Variants in SLC16A14 observed in about 807,000 individuals in gnomAD.
The protein encoded by SLC16A14 is monocarboxylate transporter 14.
A neutral mutation model predicts 35.8 loss-of-function variants in SLC16A14; 14 were observed. That is an observed-to-expected ratio of 0.39 (90% CI 0.26 to 0.61). SLC16A14 has a LOEUF of 0.61. SLC16A14 is among the 20% of genes least tolerant of loss of function. The pLI, the probability that SLC16A14 is intolerant of heterozygous loss-of-function variation, is 0.51. For missense variants in SLC16A14, 533 were observed against 655.0 expected (o/e 0.81, Z 2.03); for synonymous variants, 248 against 258.9 (o/e 0.96, Z 0.40).
intron 2 of SLC16A14, among the ~76,000 whole-genome samples, chr2:230,055,990 C>T (rs960074250): frequency 6.6e-6 from 1 of 152,198 alleles, no homozygotes; most frequent in Non-Finnish European, 1.5e-5. Context: ...AACCTACCTG[C>T]GTGTTTCCTA....
intron 2 of SLC16A14, among the ~76,000 whole-genome samples, chr2:230,057,658 A>G (rs1199359392): frequency 1.3e-5 from 2 of 152,272 alleles, no homozygotes; most frequent in Admixed American, 6.5e-5. Context: ...TGTTAGCTAT[A>G]TATCAGTAAG....
rs2077605618 is a variant in SLC16A14, at chr2:230,046,250, T to C, written c.876A>G (p.Arg292=). 5.0e-6 allele frequency: 8 copies of C among 1,614,190 alleles called. No individual in the cohort carries two copies. Among genetic ancestry groups the C allele is most frequent in the Non-Finnish European group, 6.8e-6 (8 of 1,180,044 alleles). Residue 292 remains arginine (R), a synonymous_variant, in exon 4 of 5, where the codon AGA becomes AGG. Coordinates refer to ENST00000295190, the MANE Select transcript of SLC16A14 (RefSeq NM_152527.5). This position sits in a 1 kb window ranked among gnomAD's most constrained non-coding sequence, Gnocchi z 5.0. The part of the protein sequence containing the change: ...ILKTVSWLTM[R]VRKGFEDWYS... Reference sequence around the variant, plus strand: ...ACCAGTCCTCGAAGCCCTTCCTGACTCTCATGGTGAGCCAGCTGACAGTCT... The same window carrying C: ...ACCAGTCCTCGAAGCCCTTCCTGACCCTCATGGTGAGCCAGCTGACAGTCT...
rs746098337 is a variant in SLC16A14, at chr2:230,059,143, G to C, written c.210C>G (p.Gly70=). 154 of 1,614,040 alleles carry C rather than the reference G, an allele frequency of 9.5e-5. No homozygotes were observed. Among genetic ancestry groups the C allele is most frequent in the Non-Finnish European group, 1.2e-4 (136 of 1,180,044 alleles). ...TGAGGGAGCTGACCCAGGCGGTCAG[G>C]CCGCGGCTCTGGTGGAATTCTTCCA... ...EWLEEFHQSR[G]LTAWVSSLSM... Residue 70 remains glycine, a synonymous_variant, in exon 2 of 5, where the codon GGC becomes GGG. Coordinates refer to ENST00000295190, the MANE Select transcript of SLC16A14 (RefSeq NM_152527.5).
chr2:230,037,124 A>G lies in SLC16A14; in HGVS notation c.*256T>C, dbSNP rs537023944. 14 of 253,070 alleles carry G rather than the reference A, an allele frequency of 5.5e-5. No homozygotes were observed. In the South Asian group the frequency reaches 1.5e-3, roughly 26 times the overall value. 15.7% of individuals were successfully genotyped at this position (253,070 alleles called of 1,614,324 possible). A position where few individuals can be genotyped will look rare whatever the true frequency, so the allele number is the denominator to read the frequency against. On this transcript the variant is annotated 3_prime_UTR_variant, in exon 5 of 5. Transcript: ENST00000295190. ...GGTTTTTATAAGGGCATTTCTACCAATTACTTACTAGGCTGTCTTTGAACA... is the reference window on the plus strand; with the variant it reads ...GGTTTTTATAAGGGCATTTCTACCAGTTACTTACTAGGCTGTCTTTGAACA...
chr2:230,052,005 C>T (rs1457464777), intron 2 of SLC16A14, among the ~76,000 whole-genome samples: 1 of 150,218 alleles, frequency 6.7e-6, no homozygotes, highest in Non-Finnish European at 1.5e-5. Context: ...GGCGCGATCT[C>T]GACTCACTGC....
At position 230,036,987 on chromosome 2, in the gene SLC16A14, A is replaced by G; in HGVS notation, c.*393T>C. 6.5e-6 allele frequency: 1 copy of G among 153,556 alleles called. No homozygotes were observed. The highest frequency in any genetic ancestry group is 1.5e-5 in the Non-Finnish European group (1 of 68,872). The allele number at this position is 153,556 out of a possible 1,614,324, so 9.5% of individuals were successfully genotyped here. On this transcript the variant is annotated 3_prime_UTR_variant, in exon 5 of 5. Coordinates refer to ENST00000295190, the MANE Select transcript of SLC16A14 (RefSeq NM_152527.5). Reference sequence around the variant, plus strand: ...CTGTAAGCTTTCTGGAAGCACACAGATACTTCAGTTTTGTCTTACAAAGAA... The same window carrying G: ...CTGTAAGCTTTCTGGAAGCACACAGGTACTTCAGTTTTGTCTTACAAAGAA...
chr2:230,049,844 C>A lies in SLC16A14; in HGVS notation c.320G>T (p.Gly107Val). 6.2e-7 allele frequency: 1 copy of A among 1,614,154 alleles called. No individual in the cohort carries two copies. The highest frequency in any genetic ancestry group is 8.5e-7 in the Non-Finnish European group (1 of 1,180,022). ...CGCRQTAIIG[G>V]LVNSLGWVLS... Reference sequence around the variant, plus strand: ...CACCCAGCCCAGGGAGTTGACGAGCCCTCCAATGATCGCAGTCTGGCGGCA... The same window carrying A: ...CACCCAGCCCAGGGAGTTGACGAGCACTCCAATGATCGCAGTCTGGCGGCA... The change falls in exon 3 of 5, where the codon GGG becomes GTG. Residue 107 changes from glycine to valine, a missense_variant. Coordinates refer to ENST00000295190, the MANE Select transcript of SLC16A14 (RefSeq NM_152527.5).
At chr2:230,064,910 T>C (rs776550488) in intron 1 of SLC16A14, among the ~76,000 whole-genome samples, 13 of 152,076 alleles carry the variant, frequency 8.5e-5, no homozygotes, top group Admixed American at 3.3e-4. Flanking sequence ...CTCGGGAGGC[T>C]GAAGCAGGAG....
rs903687646 is a variant in SLC16A14 at position 230,037,127 on chromosome 2, A to G, written c.*253T>C. 3 of 258,234 alleles carry G rather than the reference A, an allele frequency of 1.2e-5. No homozygotes were observed. Among genetic ancestry groups the G allele is most frequent in the Non-Finnish European group, 2.2e-5 (3 of 136,510 alleles). The allele number at this position is 258,234 out of a possible 1,614,324, so 16.0% of individuals were successfully genotyped here. Reference sequence around the variant, plus strand: ...TTTTATAAGGGCATTTCTACCAATTACTTACTAGGCTGTCTTTGAACAACA... The same window carrying G: ...TTTTATAAGGGCATTTCTACCAATTGCTTACTAGGCTGTCTTTGAACAACA... On this transcript the variant is annotated 3_prime_UTR_variant, in exon 5 of 5. Transcript: ENST00000295190.
chr2:230,061,054 A>C (rs534477178), intron 1 of SLC16A14, among the ~76,000 whole-genome samples: 5 of 152,228 alleles, frequency 3.3e-5, no homozygotes, highest in African/African-American at 4.8e-5. Flanking sequence ...CCAAAGGTCA[A>C]GTTGAGCCCT....
At chr2:230,063,158 G>A (rs979044150) in intron 1 of SLC16A14, among the ~76,000 whole-genome samples, 1 of 151,940 alleles carries the variant, frequency 6.6e-6, no homozygotes, top group Non-Finnish European at 1.5e-5. Context: ...ATGGTGGCAG[G>A]TGCCTAAAAT....
chr2:230,048,240 G>A (rs1321361802), intron 3 of SLC16A14, among the ~76,000 whole-genome samples: 1 of 152,114 alleles, frequency 6.6e-6, no homozygotes, highest in Non-Finnish European at 1.5e-5. Context: ...GGAAACTGAG[G>A]TATAAGTAGG....
chr2:230,044,744 G>A (rs1029176503), intron 4 of SLC16A14, among the ~76,000 whole-genome samples: 2 of 127,102 alleles, frequency 1.6e-5, no homozygotes, highest in African/African-American at 2.6e-5. Flanking sequence ...GTGTATGTGT[G>A]TGTGTGTGTG....
Position 230,046,523 on chromosome 2 carries a change from G to T in SLC16A14, c.603C>A (p.Asn201Lys). Reference sequence around the variant, plus strand: ...TCATGAGCGCCCCACAAACACACAGGTTTAGGGAAACGGCACCTTGGATCA... The same window carrying T: ...TCATGAGCGCCCCACAAACACACAGTTTTAGGGAAACGGCACCTTGGATCA... The part of the protein sequence containing the change: ...AMLIQGAVSL[N>K]LCVCGALMRP... Residue 201 changes from asparagine to lysine, a missense_variant, in exon 4 of 5, where the codon AAC (asparagine) becomes AAA (lysine). Coordinates refer to ENST00000295190, the MANE Select transcript of SLC16A14 (RefSeq NM_152527.5). This position sits in a 1 kb window ranked among gnomAD's most constrained non-coding sequence, Gnocchi z 5.0. The T allele has an allele frequency of 1.2e-6, 2 of 1,614,208 alleles. No homozygotes were observed. Among genetic ancestry groups the T allele is most frequent in the Non-Finnish European group, 1.7e-6 (2 of 1,180,042 alleles).
chr2:230,042,191 G>A (rs756489730), intron 4 of SLC16A14, among the ~76,000 whole-genome samples: 9 of 152,138 alleles, frequency 5.9e-5, no homozygotes, highest in African/African-American at 9.7e-5. Flanking sequence ...GATTTCTACC[G>A]TCCATGGTGG....
chr2:230,050,546 C>G (rs528444522), intron 2 of SLC16A14, among the ~76,000 whole-genome samples: 1 of 152,180 alleles, frequency 6.6e-6, no homozygotes, highest in Non-Finnish European at 1.5e-5. Context: ...GTCCTTCAAT[C>G]AATGGTTTTT....
chr2:230,061,902 T>C (rs2077754836), intron 1 of SLC16A14, among the ~76,000 whole-genome samples: 2 of 152,046 alleles, frequency 1.3e-5, no homozygotes, highest in African/African-American at 4.8e-5. Context: ...CCACCACACC[T>C]GGCTAATTTT....
At chr2:230,063,681 C>T (rs1405346833) in intron 1 of SLC16A14, among the ~76,000 whole-genome samples, 2 of 152,106 alleles carry the variant, frequency 1.3e-5, no homozygotes, top group African/African-American at 4.8e-5. Context: ...GTTATTTCTA[C>T]TAAGACATGT....
At position 230,038,213 on chromosome 2, in the gene SLC16A14, C is replaced by T. The variant is rs974665217; in HGVS notation, c.1382-682G>A. ...ATAATTTAATATTATAATCTAACAGCTTAATATAATAATCTTATTAGACAT... is the reference window on the plus strand; with the variant it reads ...ATAATTTAATATTATAATCTAACAGTTTAATATAATAATCTTATTAGACAT... On this transcript the variant is annotated intron_variant, in intron 4 of 4. Transcript: ENST00000295190. The surrounding 1 kb of genome is among the most constrained non-coding windows in gnomAD (Gnocchi z 4.4). Among the ~76,000 whole-genome samples, 1 of 152,102 alleles carries T rather than the reference C, an allele frequency of 6.6e-6. No individual in the cohort carries two copies. The highest frequency in any genetic ancestry group is 2.4e-5 in the African/African-American group (1 of 41,426).
Sources: allele counts gnomAD v4.1 joint callset (sites outside exome capture counted in the v4.1 genomes callset), GRCh38; gene constraint gnomAD v4.1.1; non-coding constraint Gnocchi (gnomAD v3.1); transcripts MANE v1.5; gene names NCBI Gene and HGNC (gene_info 2026-07-23, HGNC 2026-07-21).